The following TBC1D30 variants were observed in gnomAD, a reference collection of about 807,000 sequenced individuals.
The protein encoded by TBC1D30 is TBC1 domain family member 30.
TBC1D30 carries 31 observed loss-of-function variants against 63.2 expected under a neutral mutation model. The observed-to-expected ratio is 0.49, with a 90% CI of 0.37 to 0.66. TBC1D30 has a LOEUF of 0.66. Among genes scored for constraint, TBC1D30 ranks in the 30% least tolerant of loss-of-function variants. TBC1D30 has a pLI of 0.00. For missense variants in TBC1D30, 810 were observed against 953.6 expected (o/e 0.85, Z 1.98); for synonymous variants, 307 against 361.5 (o/e 0.85, Z 1.71).
At chr12:64,792,774 A>G (rs932616410) in intron 2 of TBC1D30, among the ~76,000 whole-genome samples, 9 of 152,088 alleles carry the variant, frequency 5.9e-5, no homozygotes, top group Non-Finnish European at 8.8e-5. Context: ...GGGTTTCACC[A>G]TGTTGGCCAG....
rs1043576683 is a variant in TBC1D30 at position 64,805,613 on chromosome 12, A to G, written c.643+19568A>G. On this transcript the variant is annotated intron_variant, in intron 2 of 12. Coordinates refer to the TBC1D30 transcript ENST00000542120. ...TTTGGGAGGCCAAGGCAGGCTGATC[A>G]CTTGAGGCCGGGAGTTCAAGACCAG... Among the ~76,000 whole-genome samples, 3 of 152,204 alleles carry G rather than the reference A, an allele frequency of 2.0e-5. No individual in the cohort carries two copies. In the East Asian group the frequency reaches 5.8e-4, roughly 30 times the overall value.
intron 1 of TBC1D30, among the ~76,000 whole-genome samples, chr12:64,771,308 C>A (rs1283566919): frequency 5.9e-5 from 9 of 152,034 alleles, no homozygotes; most frequent in Admixed American, 5.9e-4. Flanking sequence ...GCAGGAATTA[C>A]ACACCATTTG....
chr12:64,807,085 G>A (rs970667438), intron 2 of TBC1D30, among the ~76,000 whole-genome samples: 1 of 152,162 alleles, frequency 6.6e-6, no homozygotes, highest in Non-Finnish European at 1.5e-5. Flanking sequence ...TTGAATTGTG[G>A]TTCCCAGAAT....
At chr12:64,851,958 CT>C (rs1565678137) in intron 8 of TBC1D30, among the ~76,000 whole-genome samples, 1 of 152,062 alleles carries the variant, frequency 6.6e-6, no homozygotes, top group Non-Finnish European at 1.5e-5. Context: ...ACATTTTTTC[CT>C]TCATTTCAAC....
At chr12:64,806,918 T>C (rs1236876030) in intron 2 of TBC1D30, among the ~76,000 whole-genome samples, 3 of 152,224 alleles carry the variant, frequency 2.0e-5, no homozygotes, top group African/African-American at 7.2e-5. Flanking sequence ...CTGAGTGACA[T>C]AAGCCAGTCA....
At chr12:64,849,432 C>T (rs1166652965) in intron 8 of TBC1D30, among the ~76,000 whole-genome samples, 3 of 152,042 alleles carry the variant, frequency 2.0e-5, no homozygotes, top group African/African-American at 7.2e-5. Context: ...GTCTTTAATC[C>T]ATCTTGAGTT....
At chr12:64,779,466 A>G (rs1020452941), upstream of TBC1D30, 1 of 152,166 alleles carries the variant, frequency 6.6e-6, no homozygotes, top group Admixed American at 6.6e-5. Flanking sequence ...AGCGAAAAGT[A>G]CAACTTCTGC....
chr12:64,830,526 T>C (rs1470043424), intron 4 of TBC1D30, 24 bp downstream of exon 4: 5 of 1,514,846 alleles, frequency 3.3e-6, no homozygotes, highest in Middle Eastern at 1.7e-4. Flanking sequence ...ACTTGGCCTG[T>C]CATCCTAATA....
At chr12:64,762,915 T>C (rs1870568610) in intron 1 of TBC1D30, among the ~76,000 whole-genome samples, 1 of 152,216 alleles carries the variant, frequency 6.6e-6, no homozygotes, top group African/African-American at 2.4e-5. Flanking sequence ...TTGTCAAATT[T>C]CAGAAAACTC....
chr12:64,822,657 C>A (rs975629652), upstream of TBC1D30, among the ~76,000 whole-genome samples: 2 of 149,634 alleles, frequency 1.3e-5, no homozygotes, highest in African/African-American at 5.0e-5. Flanking sequence ...TGCCATCATG[C>A]CCAGCTAATT....
At chr12:64,860,110 T>C (rs1592649148) in intron 8 of TBC1D30, among the ~76,000 whole-genome samples, 1 of 151,892 alleles carries the variant, frequency 6.6e-6, no homozygotes, top group African/African-American at 2.4e-5. Flanking sequence ...CTTGACTTCC[T>C]GGGCTCAAGC....
At chr12:64,849,943 T>C (rs1876724200) in intron 8 of TBC1D30, among the ~76,000 whole-genome samples, 1 of 152,202 alleles carries the variant, frequency 6.6e-6, no homozygotes. Flanking sequence ...CCCTGTCTTA[T>C]TCCTTGAGCA....
Position 64,828,822 on chromosome 12 carries a change from G to A in TBC1D30, c.282+313G>A, listed in dbSNP as rs145878157. ...TAAAGTGTAGAGAGAAATAAAGAGC[G>A]TTTAGGAGAAAAGGGGTAAGGAGGT... On this transcript the variant is annotated intron_variant, in intron 3 of 11. Coordinates refer to ENST00000539867, the MANE Select transcript of TBC1D30 (RefSeq NM_015279.2). Among the ~76,000 whole-genome samples, 128 of 152,250 alleles carry A rather than the reference G, an allele frequency of 8.4e-4. No individual in the cohort carries two copies. The Middle Eastern group carries it at 0.01, about 12-fold the overall frequency.
At chr12:64,793,946 C>A (rs1872097232) in intron 2 of TBC1D30, among the ~76,000 whole-genome samples, 1 of 152,126 alleles carries the variant, frequency 6.6e-6, no homozygotes, top group African/African-American at 2.4e-5. Context: ...CTTGATTATT[C>A]TTTTTATTTT....
At chr12:64,797,731 G>C (rs1302736224) in intron 2 of TBC1D30, among the ~76,000 whole-genome samples, 1 of 152,098 alleles carries the variant, frequency 6.6e-6, no homozygotes, top group Non-Finnish European at 1.5e-5. Flanking sequence ...GAAAATGTAA[G>C]CAATCAAAAG....
At chr12:64,763,307 A>C (rs937446263) in intron 1 of TBC1D30, among the ~76,000 whole-genome samples, 2 of 152,170 alleles carry the variant, frequency 1.3e-5, no homozygotes, top group Non-Finnish European at 2.9e-5. Context: ...TTTTTCAATG[A>C]GTTTATATAA....
In TBC1D30 at chr12:64,762,711, C is replaced by T. The variant is rs562499589; in HGVS notation, c.-376+3062C>T. ...ACTTCTTCATACTTTTTTCCCCTTACATTATATGGCTATGTGCTCTTTAAT... is the reference window on the plus strand; with the variant it reads ...ACTTCTTCATACTTTTTTCCCCTTATATTATATGGCTATGTGCTCTTTAAT... On this transcript the variant is annotated intron_variant, in intron 1 of 13. Coordinates refer to the TBC1D30 transcript ENST00000674237. 9.2e-5 allele frequency among the ~76,000 whole-genome samples: 14 copies of T among 152,254 alleles called. No homozygotes were observed. In the South Asian group the frequency reaches 2.9e-3, roughly 32 times the overall value.
chr12:64,817,509 C>G (rs935512180), intron 2 of TBC1D30, among the ~76,000 whole-genome samples: 12 of 152,302 alleles, frequency 7.9e-5, no homozygotes, highest in African/African-American at 2.9e-4. Context: ...CACACGTCTC[C>G]TCATTGGAGC....
Position 64,875,139 on chromosome 12 carries a change from G to T in TBC1D30, c.1637G>T (p.Gly546Val). 6.5e-7 allele frequency: 1 copy of T among 1,536,412 alleles called. No homozygotes were observed. Among genetic ancestry groups the T allele is most frequent in the Non-Finnish European group, 8.7e-7 (1 of 1,146,934 alleles). ...NAVIHIPGHT[G>V]GKISPVPYED... is the part of the protein sequence containing the mutation. ...GTCATCCACATCCCTGGTCACACAG[G>T]AGGGAAAATATCTCCTGTCCCCTAC... The change falls in exon 12 of 12, where the codon GGA becomes GTA. Residue 546 changes from glycine (G) to valine (V), a missense_variant. Gly to Val is a moderately radical substitution (Grantham distance 109). Coordinates refer to ENST00000539867, the MANE Select transcript of TBC1D30 (RefSeq NM_015279.2).
Sources: allele counts gnomAD v4.1 joint callset (sites outside exome capture counted in the v4.1 genomes callset), GRCh38; gene constraint gnomAD v4.1.1; transcripts MANE v1.5; gene names NCBI Gene and HGNC (gene_info 2026-07-23, HGNC 2026-07-21).